STK10: variants seen among roughly 807,000 people sequenced by gnomAD.
The protein encoded by STK10 is serine/threonine-protein kinase 10.
Under a neutral mutation model 113.8 loss-of-function variants are expected in STK10, and 78 were observed. The observed-to-expected ratio is 0.69, with a 90% CI of 0.57 to 0.83. The LOEUF (loss-of-function observed/expected upper bound fraction) is 0.83. STK10 is among the 40% of genes least tolerant of loss of function. STK10 has a pLI of 0.00. For synonymous variants in STK10, 465 were observed against 494.7 expected (o/e 0.94, Z 0.80); for missense variants, 1,109 against 1,280.1 (o/e 0.87, Z 2.04).
intron 7 of STK10, among the ~76,000 whole-genome samples, chr5:172,096,953 A>G (rs143685284): frequency 0.011 from 1,742 of 152,340 alleles, 34 homozygotes; most frequent in African/African-American, 0.039. Flanking sequence ...TCCTTTTTAA[A>G]AGGTTTTAAT....
Position 172,053,003 on chromosome 5 carries a change from T to C in STK10, c.2692A>G (p.Lys898Glu). 6.2e-7 allele frequency: 1 copy of C among 1,614,200 alleles called. No individual in the cohort carries two copies. The highest frequency in any genetic ancestry group is 8.5e-7 in the Non-Finnish European group (1 of 1,180,042). The stretch of plus-strand genomic sequence containing the variant: ...TGGCTCTCATCCAGGGCCTTCAGTT[T>C]CTGGGTTTCGTGCTCTACCAGGAGG... ...CHLLVEHETQ[K>E]LKALDESHNQ... The change falls in exon 18 of 19, where the codon AAA becomes GAA. Residue 898 changes from lysine (K) to glutamate (E), a missense_variant. Around this residue, in one of 5 missense-constraint regions of STK10, gnomAD observed 885 missense variants for 991.1 expected, o/e 0.89. Transcript: ENST00000176763.
At chr5:172,126,679 T>C (rs1769626588) in intron 3 of STK10, among the ~76,000 whole-genome samples, 1 of 152,244 alleles carries the variant, frequency 6.6e-6, no homozygotes, top group African/African-American at 2.4e-5. Flanking sequence ...CACAAAGGAA[T>C]GGCCACTACT....
chr5:172,172,391 T>G (rs1014172419), intron 1 of STK10, among the ~76,000 whole-genome samples: 1 of 152,198 alleles, frequency 6.6e-6, no homozygotes, highest in Non-Finnish European at 1.5e-5. Flanking sequence ...TGTTGTCAAA[T>G]GCTCTCCAAA....
Position 172,117,577 on chromosome 5 carries a change from G to T in STK10, c.424C>A (p.Leu142Ile). The change falls in exon 4 of 19, where the codon CTA (leucine) becomes ATA (isoleucine). Residue 142 changes from leucine to isoleucine, a missense_variant. Coordinates refer to ENST00000176763, the MANE Select transcript of STK10 (RefSeq NM_005990.4). Reference sequence around the variant, plus strand: ...CTGTGCAGGAAGTTGAGGGCTTCTAGCATCTGGCGGCAAACCACCTGTATC... The same window carrying T: ...CTGTGCAGGAAGTTGAGGGCTTCTATCATCTGGCGGCAAACCACCTGTATC... ...PQIQVVCRQM[L>I]EALNFLHSKR... 1 of 1,614,066 alleles carries T rather than the reference G, an allele frequency of 6.2e-7. No homozygotes were observed. The highest frequency in any genetic ancestry group is 1.1e-5 in the South Asian group (1 of 91,068).
chr5:172,176,478 G>A (rs886119526), intron 1 of STK10, among the ~76,000 whole-genome samples: 3 of 152,074 alleles, frequency 2.0e-5, no homozygotes, highest in African/African-American at 7.2e-5. Context: ...ACCTGGTTCG[G>A]TCACCAGGGT....
intron 2 of STK10, among the ~76,000 whole-genome samples, chr5:172,136,098 A>T (rs2113796281): frequency 6.6e-6 from 1 of 152,246 alleles, no homozygotes; most frequent in Admixed American, 6.5e-5. Context: ...AAATTACTAC[A>T]ATCAGAAATG....
rs750285865 is a variant in STK10, at chr5:172,054,537, GGGGGCA to G, written c.2652+26_2652+31del. 8.8e-5 allele frequency: 140 copies of G among 1,596,636 alleles called. 4 individuals are homozygous for G. Among genetic ancestry groups the G allele is most frequent in the South Asian group, 8.7e-4 (79 of 90,430 alleles). ...GGCCTTGGGGAAACTGAGGCAGCCT[GGGGGCA>G]GGGGCAGGGGCAGGCAGGGCGGTAC... On this transcript the variant is annotated intron_variant, in intron 17 of 18. Transcript: ENST00000176763.
At chr5:172,067,413 A>G (rs1406732619) in intron 12 of STK10, among the ~76,000 whole-genome samples, 1 of 151,124 alleles carries the variant, frequency 6.6e-6, no homozygotes, top group Non-Finnish European at 1.5e-5. Flanking sequence ...AAATAAATAG[A>G]ATAAAATGCC....
chr5:172,090,442 T>C lies in STK10; in HGVS notation c.1555-80A>G, dbSNP rs530475579. 9.4e-4 allele frequency: 1,448 copies of C among 1,540,646 alleles called. 2 individuals carry two copies. The highest frequency in any genetic ancestry group is 2.0e-3 in the Admixed American group (104 of 51,904). ...CTGTCGCAGCAGGTGAGGCCACAGC[T>C]CTGCTGGGCCCACAGCTTCAGAACC... On this transcript the variant is annotated intron_variant, in intron 9 of 18. Transcript: ENST00000176763.
rs1281812403 is a variant in STK10, at chr5:172,105,626, G to A, written c.870+30C>T. 5.0e-6 allele frequency: 8 copies of A among 1,609,442 alleles called. No homozygotes were observed. The Admixed American group carries it at 1.3e-4, about 27-fold the overall frequency. On this transcript the variant is annotated intron_variant, in intron 7 of 18. Coordinates refer to ENST00000176763, the MANE Select transcript of STK10 (RefSeq NM_005990.4). ...TGAGTTCATTAGGCTCCACCCTTCA[G>A]GGAGCAGAGTGGGAGGGGAATCCAC...
rs959129777 is a variant in STK10 at position 172,176,188 on chromosome 5, G to T, written c.156+11699C>A. Among the ~76,000 whole-genome samples the T allele has an allele frequency of 2.6e-5, 4 of 152,172 alleles. No individual in the cohort carries two copies. The South Asian group carries it at 8.3e-4, about 31-fold the overall frequency. On this transcript the variant is annotated intron_variant, in intron 1 of 18. Coordinates refer to ENST00000176763, the MANE Select transcript of STK10 (RefSeq NM_005990.4). ...GCTTAAGAAACTGAGGCAGAGATAA[G>T]TAAATTCCTCAGCATCACACAGCCT...
intron 14 of STK10, among the ~76,000 whole-genome samples, chr5:172,058,631 C>T (rs946670423): frequency 2.6e-5 from 4 of 152,020 alleles, no homozygotes; most frequent in South Asian, 2.1e-4. Context: ...TGGCTCACAC[C>T]GTAGTCCCAG....
chr5:172,101,470 CAAAAAAA>C (rs796588690), intron 7 of STK10, among the ~76,000 whole-genome samples: 1 of 72,604 alleles, frequency 1.4e-5, no homozygotes. Flanking sequence ...ACTCCGTCTC[CAAAAAAA>C]AAAAAAAAAA....
chr5:172,127,354 C>G lies in STK10; in HGVS notation c.370+19G>C. On this transcript the variant is annotated intron_variant, in intron 3 of 18. Transcript: ENST00000176763. Reference sequence around the variant, plus strand: ...GAGTCGTCTGGTCCCGACAATGCACCGAATCAAGTAAGACTCACCCAGCAT... The same window carrying G: ...GAGTCGTCTGGTCCCGACAATGCACGGAATCAAGTAAGACTCACCCAGCAT... 1.9e-6 allele frequency: 3 copies of G among 1,613,658 alleles called. No individual in the cohort carries two copies. The highest frequency in any genetic ancestry group is 2.5e-6 in the Non-Finnish European group (3 of 1,179,720).
At chr5:172,074,310 C>T (rs922006617) in intron 12 of STK10, among the ~76,000 whole-genome samples, 3 of 152,146 alleles carry the variant, frequency 2.0e-5, no homozygotes, top group African/African-American at 4.8e-5. Context: ...AAGCTACAAT[C>T]GTCAAGACAC....
intron 17 of STK10, among the ~76,000 whole-genome samples, chr5:172,054,222 C>T (rs1346295894): frequency 1.3e-5 from 2 of 152,186 alleles, no homozygotes; most frequent in African/African-American, 2.4e-5. Context: ...GGCTCGGCCA[C>T]ACCCCAACCA....
At chr5:172,048,444 C>CACACACACACACACACAA (rs1767546110) in intron 18 of STK10, among the ~76,000 whole-genome samples, 1 of 151,814 alleles carries the variant, frequency 6.6e-6, no homozygotes, top group Admixed American at 6.6e-5. Flanking sequence ...CACACACACA[C>CACACACACACACACACAA]ACACACACAT....
intron 4 of STK10, chr5:172,114,582 A>T (rs1408750403): frequency 4.3e-5 from 6 of 138,852 alleles, no homozygotes; most frequent in Admixed American, 2.3e-4. Flanking sequence ...TCCCGGGTTC[A>T]CGCCATTCTC....
intron 12 of STK10, among the ~76,000 whole-genome samples, chr5:172,070,392 C>G (rs978633095): frequency 1.1e-4 from 16 of 151,556 alleles, no homozygotes; most frequent in African/African-American, 3.9e-4. Flanking sequence ...TTTTAAATAA[C>G]CTGGGTCAAA....
Sources: gnomAD v4.1 joint callset for allele counts (sites outside exome capture counted in the v4.1 genomes callset) on GRCh38, gnomAD v4.1.1 for gene constraint, gnomAD v4.1.1 regional missense constraint, MANE v1.5 for transcripts, NCBI Gene and HGNC (gene_info 2026-07-23, HGNC 2026-07-21) for gene names.